Variants in APOH observed in about 807,000 individuals in gnomAD.
APOH encodes the protein apolipoprotein H.
A neutral mutation model predicts 39.8 loss-of-function variants in APOH; 48 were observed. The ratio of observed to expected loss-of-function variants is 1.21; its 90% confidence interval spans 0.96 to 1.54. The LOEUF is 1.54. APOH is among the 40% of genes most tolerant of loss of function. The pLI is 0.00. For missense variants in APOH, 415 were observed against 421.2 expected (o/e 0.99, Z 0.13); for synonymous variants, 153 against 151.1 (o/e 1.01, Z -0.09).
Position 66,214,616 on chromosome 17 carries a change from C to T in APOH, c.819G>A (p.Val273=), listed in dbSNP as rs1468620545. 1 of 1,613,604 alleles carries T rather than the reference C, an allele frequency of 6.2e-7. No individual in the cohort carries two copies. The highest frequency in any genetic ancestry group is 1.1e-5 in the South Asian group (1 of 91,022). Residue 273 remains valine, a synonymous_variant, in exon 7 of 8, where the codon GTG becomes GTA. Transcript: ENST00000205948. ...TCTTTACTCTCTCTCCTTGGTACAC[C>T]ACAGTGGCTTTTTTCACAGGTACTT... The part of the protein sequence containing the change: ...SCKVPVKKAT[V]VYQGERVKIQ...
intron 5 of APOH, among the ~76,000 whole-genome samples, chr17:66,217,248 C>T (rs535758361): frequency 4.5e-4 from 69 of 151,798 alleles, no homozygotes; most frequent in Non-Finnish European, 9.3e-4. Flanking sequence ...TTATTTATTG[C>T]AAACTTCATC....
rs1206759305 is a variant in APOH at position 66,213,830 on chromosome 17, C to T, written c.982+623G>A. Among the ~76,000 whole-genome samples, 4 of 151,958 alleles carry T rather than the reference C, an allele frequency of 2.6e-5. No homozygotes were observed. The East Asian group carries it at 7.7e-4, about 29-fold the overall frequency. ...GTGCGTGCATGTAATCTCAGCTACT[C>T]AGAAGGCTGAGGTGAAAGGGTCACT... On this transcript the variant is annotated intron_variant, in intron 7 of 7. Transcript: ENST00000205948.
At chr17:66,227,559 G>C (rs1327416314) in intron 2 of APOH, among the ~76,000 whole-genome samples, 1 of 151,988 alleles carries the variant, frequency 6.6e-6, no homozygotes, top group East Asian at 1.9e-4. Context: ...CTCTTTTCTT[G>C]TATTTCATTA....
chr17:66,216,183 A>C (rs2073364210), intron 6 of APOH, among the ~76,000 whole-genome samples: 1 of 148,478 alleles, frequency 6.7e-6, no homozygotes, highest in African/African-American at 2.5e-5. Flanking sequence ...AAAAAAAAAG[A>C]CTCCATGTGT....
At chr17:66,221,969 C>G (rs1216438215) in intron 4 of APOH, among the ~76,000 whole-genome samples, 1 of 152,186 alleles carries the variant, frequency 6.6e-6, no homozygotes, top group East Asian at 1.9e-4. Context: ...ACTGCAGGTG[C>G]CTGAATCAGA....
intron 6 of APOH, among the ~76,000 whole-genome samples, chr17:66,216,098 G>A (rs964988205): frequency 1.3e-5 from 2 of 149,788 alleles, no homozygotes; most frequent in African/African-American, 2.5e-5. Context: ...AACCTGGGAG[G>A]TGAAGGTTGC....
chr17:66,219,184 T>A (rs890025418), intron 5 of APOH, among the ~76,000 whole-genome samples: 2 of 152,120 alleles, frequency 1.3e-5, no homozygotes, highest in African/African-American at 4.8e-5. Flanking sequence ...GTTGTTGTTA[T>A]GTTATTAGAA....
chr17:66,218,130 G>A (rs2073376477), intron 5 of APOH, among the ~76,000 whole-genome samples: 1 of 152,122 alleles, frequency 6.6e-6, no homozygotes, highest in African/African-American at 2.4e-5. Flanking sequence ...ATTCTACCAT[G>A]ACTGCCCAAC....
At chr17:66,220,410 C>T in intron 5 of APOH, 144 bp downstream of exon 5, 5 of 737,462 alleles carry the variant, frequency 6.8e-6, no homozygotes, top group Non-Finnish European at 1.1e-5. Flanking sequence ...GTGCCCAGCA[C>T]ACTGCCTGGC....
rs1350240053 is a variant in APOH at position 66,216,975 on chromosome 17, A to G, written c.605-8T>C. 3 of 1,579,740 alleles carry G rather than the reference A, an allele frequency of 1.9e-6. No homozygotes were observed. Among genetic ancestry groups the G allele is most frequent in the Non-Finnish European group, 2.6e-6 (3 of 1,164,992 alleles). On this transcript the variant is annotated splice_region_variant and splice_polypyrimidine_tract_variant and intron_variant, in intron 5 of 7. Coordinates refer to ENST00000205948, the MANE Select transcript of APOH (RefSeq NM_000042.3). ...GGAATGGGCATTTTACTTCTAAAAC[A>G]TTTATTCAATAAGACATATTAGTAA...
rs1204385852 is a variant in APOH, at chr17:66,216,861, T to C, written c.711A>G (p.Gly237=). Residue 237 remains glycine, a synonymous_variant, in exon 6 of 8, where the codon GGA becomes GGG. Transcript: ENST00000205948. The part of the protein sequence containing the change: ...KDKATFGCHD[G]YSLDGPEEIE... ...TTTCTTCCGGGCCATCCAGAGAATA[T>C]CCATCATGGCAGCCAAATGTGGCTT... is the stretch of plus-strand genomic sequence containing the variant. The C allele has an allele frequency of 1.2e-6, 2 of 1,613,296 alleles. No individual in the cohort carries two copies. The highest frequency in any genetic ancestry group is 1.3e-5 in the African/African-American group (1 of 75,036).
chr17:66,228,259 G>A (rs980112213), intron 1 of APOH, 63 bp from the exon 2 acceptor site: 6 of 1,542,982 alleles, frequency 3.9e-6, no homozygotes, highest in Non-Finnish European at 5.3e-6. Flanking sequence ...GTTCAGCTAA[G>A]CCCACAAATG....
chr17:66,228,273 A>C (rs1411903368), intron 1 of APOH, 77 bp from the exon 2 acceptor site: 2 of 1,495,852 alleles, frequency 1.3e-6, no homozygotes, highest in Admixed American at 1.8e-5. Context: ...ACAAATGAAA[A>C]ATGTGTGTAC....
At chr17:66,221,716 G>C (rs1598552232) in intron 4 of APOH, among the ~76,000 whole-genome samples, 2 of 152,184 alleles carry the variant, frequency 1.3e-5, no homozygotes, top group South Asian at 4.2e-4. Flanking sequence ...TTGGATTCTT[G>C]GTATGGATGG....
chr17:66,223,888 G>T (rs958451572), intron 3 of APOH, 114 bp from the exon 4 acceptor site: 5 of 898,022 alleles, frequency 5.6e-6, no homozygotes, highest in African/African-American at 5.0e-5. Context: ...CTTTTCCATC[G>T]TATAATGCTG....
At chr17:66,224,485 AAAAAAAG>A (rs534033106) in intron 3 of APOH, among the ~76,000 whole-genome samples, 13,284 of 131,220 alleles carry the variant, frequency 0.1, 866 homozygotes, top group Non-Finnish European at 0.18. Context: ...AAAAAAAAAA[AAAAAAAG>A]AAAAGAAAAG....
intron 1 of APOH, 33 bp from the exon 2 acceptor site, chr17:66,228,229 A>C: frequency 6.3e-7 from 1 of 1,592,676 alleles, no homozygotes; most frequent in African/African-American, 1.3e-5. Flanking sequence ...TGGTTAACAA[A>C]TCTCTATTTG....
At chr17:66,218,812 C>T (rs1432932597) in intron 5 of APOH, among the ~76,000 whole-genome samples, 1 of 151,942 alleles carries the variant, frequency 6.6e-6, no homozygotes, top group African/African-American at 2.4e-5. Flanking sequence ...GAGTTTGAGA[C>T]CAGCCTGGCC....
intron 4 of APOH, among the ~76,000 whole-genome samples, chr17:66,222,702 G>T (rs552239348): frequency 7.9e-5 from 12 of 151,286 alleles, no homozygotes; most frequent in African/African-American, 2.9e-4. Flanking sequence ...CTCCCAATTG[G>T]CTGGGATTAG....
Sources: gnomAD v4.1 joint callset for allele counts (sites outside exome capture counted in the v4.1 genomes callset) on GRCh38, gnomAD v4.1.1 for gene constraint, MANE v1.5 for transcripts, NCBI Gene and HGNC (gene_info 2026-07-23, HGNC 2026-07-21) for gene names.